NXPH1: variants seen among roughly 807,000 people sequenced by gnomAD.
The protein encoded by NXPH1 is neurexophilin-1.
A neutral mutation model predicts 23.7 loss-of-function variants in NXPH1; 5 were observed. The observed-to-expected ratio is 0.21, with a 90% CI of 0.11 to 0.44. The LOEUF (loss-of-function observed/expected upper bound fraction) is 0.44. NXPH1 is among the 20% of genes least tolerant of loss of function. The pLI, the probability that NXPH1 is intolerant of heterozygous loss-of-function variation, is 0.99. For missense variants in NXPH1, 324 were observed against 321.6 expected, an observed-to-expected ratio of 1.01 and a Z score of -0.06; for synonymous variants, 144 against 122.2, an observed-to-expected ratio of 1.18 and a Z score of -1.18.
At chr7:8,512,162 T>TAAAAGGAAGCCAAGAG (rs1377168430) in intron 2 of NXPH1, among the ~76,000 whole-genome samples, 1 of 152,106 alleles carries the variant, frequency 6.6e-6, no homozygotes, top group Non-Finnish European at 1.5e-5. Context: ...AATACAGCAT[T>TAAAAGGAAGCCAAGAG]AAAAGGAAGC....
chr7:8,592,934 A>C (rs1166408869), intron 2 of NXPH1, among the ~76,000 whole-genome samples: 1 of 151,714 alleles, frequency 6.6e-6, no homozygotes, highest in Non-Finnish European at 1.5e-5. Context: ...CAGGGGCTGT[A>C]ATTTACCTAC....
chr7:8,656,675 C>T (rs965293407), intron 2 of NXPH1, among the ~76,000 whole-genome samples: 2 of 151,992 alleles, frequency 1.3e-5, no homozygotes, highest in Admixed American at 6.5e-5. Flanking sequence ...GTATATCTCC[C>T]AATGCTATCC....
chr7:8,543,984 T>A (rs1818158394), intron 2 of NXPH1, among the ~76,000 whole-genome samples: 1 of 151,536 alleles, frequency 6.6e-6, no homozygotes, highest in Non-Finnish European at 1.5e-5. Context: ...GCAAAAGAGG[T>A]TAAGTGACTT....
At chr7:8,503,735 T>C (rs1263631034) in intron 2 of NXPH1, among the ~76,000 whole-genome samples, 4 of 151,938 alleles carry the variant, frequency 2.6e-5, no homozygotes, top group Non-Finnish European at 5.9e-5. Context: ...TTCAGACCCA[T>C]AGAATTTCTT....
In NXPH1 at chr7:8,435,705, C is replaced by G. The variant is rs1469518149; in HGVS notation, c.-9C>G. ...AAGGCACCGCCAAGGAAGTTTGAGACGCGGGAGAATGCAGGCTGCGTGCTG... is the reference window on the plus strand; with the variant it reads ...AAGGCACCGCCAAGGAAGTTTGAGAGGCGGGAGAATGCAGGCTGCGTGCTG... On this transcript the variant is annotated 5_prime_UTR_variant, in exon 2 of 3. Coordinates refer to ENST00000405863, the MANE Select transcript of NXPH1 (RefSeq NM_152745.3). The surrounding 1 kb of genome is among the most constrained non-coding windows in gnomAD (Gnocchi z 5.9). The G allele has an allele frequency of 1.9e-6, 3 of 1,613,758 alleles. No individual in the cohort carries two copies. Among genetic ancestry groups the G allele is most frequent in the Non-Finnish European group, 1.7e-6 (2 of 1,179,714 alleles).
At chr7:8,518,514 G>A (rs1457950190) in intron 2 of NXPH1, among the ~76,000 whole-genome samples, 2 of 152,040 alleles carry the variant, frequency 1.3e-5, no homozygotes, top group Non-Finnish European at 2.9e-5. Flanking sequence ...GTTTATAGAG[G>A]CAGGTCTTGC....
At chr7:8,545,955 T>A (rs979521340) in intron 2 of NXPH1, among the ~76,000 whole-genome samples, 2 of 151,488 alleles carry the variant, frequency 1.3e-5, no homozygotes, top group African/African-American at 4.8e-5. Flanking sequence ...GTAGGCTAAA[T>A]GCTCACAGTG....
At chr7:8,659,911 G>A (rs1017499376) in intron 2 of NXPH1, among the ~76,000 whole-genome samples, 1 of 152,176 alleles carries the variant, frequency 6.6e-6, no homozygotes, top group Non-Finnish European at 1.5e-5. Flanking sequence ...TGCTAGGGAT[G>A]TGTGAATGAT....
At chr7:8,602,772 C>G (rs1474241075) in intron 2 of NXPH1, among the ~76,000 whole-genome samples, 1 of 152,116 alleles carries the variant, frequency 6.6e-6, no homozygotes, top group Non-Finnish European at 1.5e-5. Context: ...TTCATAGCTC[C>G]AATATCATGT....
At chr7:8,732,083 G>A (rs961303653) in intron 2 of NXPH1, among the ~76,000 whole-genome samples, 18 of 152,342 alleles carry the variant, frequency 1.2e-4, no homozygotes, top group African/African-American at 2.6e-4. Context: ...CGCAATATTC[G>A]GGTGGGAGTG....
At chr7:8,503,278 G>A (rs1483855815) in intron 2 of NXPH1, among the ~76,000 whole-genome samples, 1 of 152,008 alleles carries the variant, frequency 6.6e-6, no homozygotes, top group Non-Finnish European at 1.5e-5. Context: ...GAAACAACTT[G>A]CACAAGGAAG....
At chr7:8,672,740 T>C (rs566952477) in intron 2 of NXPH1, among the ~76,000 whole-genome samples, 4 of 152,214 alleles carry the variant, frequency 2.6e-5, no homozygotes, top group Non-Finnish European at 5.9e-5. Context: ...GAACACTGTG[T>C]GCTAACAGCT....
chr7:8,492,703 A>G (rs76449386), intron 2 of NXPH1, among the ~76,000 whole-genome samples: 2,168 of 152,086 alleles, frequency 0.014, 25 homozygotes, highest in Non-Finnish European at 0.024. Flanking sequence ...CATGCCTGAG[A>G]GTGGAAAGCA....
At chr7:8,594,432 A>T (rs1286597304) in intron 2 of NXPH1, among the ~76,000 whole-genome samples, 1 of 152,052 alleles carries the variant, frequency 6.6e-6, no homozygotes, top group Non-Finnish European at 1.5e-5. Flanking sequence ...CCCTGTTTAG[A>T]AGTCTGGAAA....
chr7:8,544,859 T>C (rs1818175903), intron 2 of NXPH1, among the ~76,000 whole-genome samples: 1 of 151,622 alleles, frequency 6.6e-6, no homozygotes, highest in African/African-American at 2.4e-5. Context: ...AAAATGTAAA[T>C]ACATATAGTG....
intron 2 of NXPH1, among the ~76,000 whole-genome samples, chr7:8,491,141 A>T (rs1308072628): frequency 6.6e-6 from 1 of 152,150 alleles, no homozygotes; most frequent in East Asian, 1.9e-4. Flanking sequence ...ATGTAATTTT[A>T]CCAGAGCAAT....
chr7:8,482,041 C>A (rs1240952451), intron 2 of NXPH1, among the ~76,000 whole-genome samples: 4 of 152,182 alleles, frequency 2.6e-5, no homozygotes, highest in Non-Finnish European at 5.9e-5. Context: ...ACTTGGGAGG[C>A]TCAGAGCATC....
intron 2 of NXPH1, among the ~76,000 whole-genome samples, chr7:8,743,495 G>A (rs2115229403): frequency 6.6e-6 from 1 of 152,210 alleles, no homozygotes; most frequent in South Asian, 2.1e-4. Flanking sequence ...AAGTGGGAGT[G>A]AAGTCGAGAA....
intron 2 of NXPH1, among the ~76,000 whole-genome samples, chr7:8,591,064 A>T (rs145961698): frequency 6.6e-6 from 1 of 152,236 alleles, no homozygotes; most frequent in Non-Finnish European, 1.5e-5. Context: ...AGTTTAGAAC[A>T]GCGTAAGAAA....
Sources: gnomAD v4.1 joint callset for allele counts (sites outside exome capture counted in the v4.1 genomes callset) on GRCh38, gnomAD v4.1.1 for gene constraint, Gnocchi (gnomAD v3.1) non-coding constraint, MANE v1.5 for transcripts, NCBI Gene and HGNC (gene_info 2026-07-23, HGNC 2026-07-21) for gene names.